APC: variants seen among roughly 807,000 people sequenced by gnomAD.
The protein encoded by APC is adenomatous polyposis coli protein.
Under a neutral mutation model 247.0 loss-of-function variants are expected in APC, and 72 were observed. The observed-to-expected ratio is 0.29, with a 90% CI of 0.24 to 0.35. The LOEUF (loss-of-function observed/expected upper bound fraction) is 0.35. Among genes scored for constraint, APC ranks in the 10% least tolerant of loss-of-function variants. The probability of loss-of-function intolerance (pLI) is 1.00; values close to 1 mark genes in which losing one functional copy is unlikely to be tolerated. For synonymous variants in APC, 1,254 were observed against 1,162.5 expected, an observed-to-expected ratio of 1.08 and a Z score of -1.60; for missense variants, 3,400 against 3,360.7, an observed-to-expected ratio of 1.01 and a Z score of -0.29.
upstream of APC, among the ~76,000 whole-genome samples, chr5:112,734,149 T>C (rs1033884414): frequency 2.0e-5 from 3 of 152,154 alleles, no homozygotes; most frequent in African/African-American, 4.8e-5. Context: ...GCTGTGCTTA[T>C]GCCACTGCAC....
rs1437497763 is a variant in APC, at chr5:112,737,924, G to A, written c.-20G>A. ...GGAGGTGCTGCCGGACTCGGAAATG[G>A]GGTAGGTGCTGGAGCCACCATGGCC... On this transcript the variant is annotated splice_region_variant and 5_prime_UTR_variant, in exon 1 of 16. Coordinates refer to ENST00000257430, the MANE Select transcript of APC (RefSeq NM_000038.6). The A allele has an allele frequency of 1.6e-5, 16 of 985,898 alleles. No homozygotes were observed. The highest frequency in any genetic ancestry group is 1.9e-5 in the Non-Finnish European group (16 of 830,312). 61.1% of individuals were successfully genotyped at this position (985,898 alleles called of 1,614,324 possible). A position where few individuals can be genotyped will look rare whatever the true frequency, so the allele number is the denominator to read the frequency against.
intron 1 of APC, among the ~76,000 whole-genome samples, chr5:112,749,614 A>G (rs571882174): frequency 2.7e-5 from 4 of 150,526 alleles, no homozygotes; most frequent in African/African-American, 9.8e-5. Flanking sequence ...CAGCCTCCGG[A>G]GGCGCTGGGA....
In APC at chr5:112,792,433, T is replaced by C. The variant is rs2149683920; in HGVS notation, c.646-13T>C. On this transcript the variant is annotated splice_polypyrimidine_tract_variant and intron_variant, in intron 6 of 15. Transcript: ENST00000257430. ...TAAAAACATAACTAATTAGGTTTCT[T>C]GTTTTATTTTAGCGAAGAATAGCCA... 6.3e-7 allele frequency: 1 copy of C among 1,591,618 alleles called. No individual in the cohort carries two copies. Among genetic ancestry groups the C allele is most frequent in the Non-Finnish European group, 8.6e-7 (1 of 1,162,546 alleles).
intron 14 of APC, among the ~76,000 whole-genome samples, chr5:112,834,308 C>T (rs1304729575): frequency 2.1e-5 from 3 of 142,884 alleles, no homozygotes; most frequent in Non-Finnish European, 4.5e-5. Context: ...GTGTTGCAGT[C>T]TCGGCTCACT....
intron 1 of APC, among the ~76,000 whole-genome samples, chr5:112,741,699 A>G (rs1173118298): frequency 6.6e-6 from 1 of 152,164 alleles, no homozygotes; most frequent in African/African-American, 2.4e-5. Context: ...TTGTTGTGCA[A>G]CCATCACCAC....
rs2149945125 is a variant in APC at position 112,841,225 on chromosome 5, A to G, written c.5631A>G (p.Glu1877=). The G allele has an allele frequency of 6.2e-7, 1 of 1,613,958 alleles. No individual in the cohort carries two copies. The change falls in exon 16 of 16, where the codon GAA becomes GAG. Residue 1877 remains glutamate, a synonymous_variant. Coordinates refer to ENST00000257430, the MANE Select transcript of APC (RefSeq NM_000038.6). This position sits in a 1 kb window ranked among gnomAD's most constrained non-coding sequence, Gnocchi z 4.6. ...ATGATGATGTTGACCTTTCCAGGGA[A>G]AAGGCTGAATTAAGAAAGGCAAAAG... is the stretch of plus-strand genomic sequence containing the variant. ...FDDDDVDLSR[E]KAELRKAKEN...
Position 112,780,836 on chromosome 5 carries a change from C to T in APC, c.578C>T (p.Ala193Val), listed in dbSNP as rs780403698. 4 of 1,613,348 alleles carry T rather than the reference C, an allele frequency of 2.5e-6. No homozygotes were observed. The highest frequency in any genetic ancestry group is 3.4e-6 in the Non-Finnish European group (4 of 1,179,552). ...ACCAGAAGGCAATTGGAATATGAAGCAAGGCAAATCAGAGTTGCGATGGAA... is the reference window on the plus strand; with the variant it reads ...ACCAGAAGGCAATTGGAATATGAAGTAAGGCAAATCAGAGTTGCGATGGAA... ...DMTRRQLEYE[A>V]RQIRVAMEEQ... The change falls in exon 6 of 16, where the codon GCA becomes GTA. Residue 193 changes from alanine (A) to valine (V), a missense_variant. This residue lies in a region of APC where 372 missense variants were observed against 367.6 expected (regional missense o/e 1.01). Transcript: ENST00000257430.
intron 4 of APC, among the ~76,000 whole-genome samples, chr5:112,773,303 A>G (rs1214962681): frequency 1.3e-5 from 2 of 152,178 alleles, no homozygotes; most frequent in Admixed American, 6.5e-5. Context: ...TTTTAAAGTA[A>G]TAGTATCAGA....
chr5:112,819,929 C>A (rs563919605), intron 10 of APC, among the ~76,000 whole-genome samples: 56 of 152,144 alleles, frequency 3.7e-4, no homozygotes, highest in African/African-American at 1.2e-3. Context: ...GGAACAGAGC[C>A]CAGATCTCCT....
intron 1 of APC, among the ~76,000 whole-genome samples, chr5:112,712,043 T>C (rs1750881565): frequency 6.6e-6 from 1 of 152,178 alleles, no homozygotes; most frequent in Admixed American, 6.5e-5. Flanking sequence ...TGTAACAATA[T>C]CTTTGTCTAG....
intron 1 of APC, among the ~76,000 whole-genome samples, chr5:112,731,289 A>G (rs1050298494): frequency 6.6e-6 from 1 of 152,146 alleles, no homozygotes; most frequent in Non-Finnish European, 1.5e-5. Context: ...ATTTTCTGCT[A>G]CTATAACAAA....
intron 1 of APC, among the ~76,000 whole-genome samples, chr5:112,738,715 C>G (rs776906239): frequency 6.6e-6 from 1 of 152,076 alleles, no homozygotes; most frequent in Non-Finnish European, 1.5e-5. Context: ...GGGTAGAAGC[C>G]CATTTACAAG....
At chr5:112,788,982 G>T (rs1278400580) in intron 6 of APC, among the ~76,000 whole-genome samples, 2 of 151,862 alleles carry the variant, frequency 1.3e-5, no homozygotes, top group South Asian at 2.1e-4. Flanking sequence ...TCTTTTTCTT[G>T]TCTTGACTTT....
In APC at chr5:112,838,085, T is replaced by C. The variant is rs2149870828; in HGVS notation, c.2491T>C (p.Leu831=). The change falls in exon 16 of 16, where the codon TTA becomes CTA. Residue 831 remains leucine, a synonymous_variant. Transcript: ENST00000257430. The stretch of plus-strand genomic sequence containing the variant: ...TTCACCATATTTGAATACTACAGTG[T>C]TACCCAGCTCCTCTTCATCAAGAGG... ...VLSPYLNTTV[L]PSSSSSRGSL... 6.2e-7 allele frequency: 1 copy of C among 1,614,178 alleles called. No individual in the cohort carries two copies. Among genetic ancestry groups the C allele is most frequent in the African/African-American group, 1.3e-5 (1 of 75,050 alleles).
intron 7 of APC, among the ~76,000 whole-genome samples, chr5:112,793,323 T>C (rs1759850275): frequency 6.6e-6 from 1 of 152,136 alleles, no homozygotes; most frequent in African/African-American, 2.4e-5. Context: ...AAAATTTACC[T>C]ACTGAATGCT....
chr5:112,736,966 A>G (rs1400318609), upstream of APC, among the ~76,000 whole-genome samples: 1 of 152,216 alleles, frequency 6.6e-6, no homozygotes, highest in African/African-American at 2.4e-5. Flanking sequence ...TTAAATAGAT[A>G]ATAGAAACTG....
chr5:112,742,713 A>C (rs1753187337), intron 1 of APC, among the ~76,000 whole-genome samples: 1 of 152,186 alleles, frequency 6.6e-6, no homozygotes, highest in African/African-American at 2.4e-5. Context: ...TATGACCTAG[A>C]CTCAGAAGCC....
intron 1 of APC, among the ~76,000 whole-genome samples, chr5:112,754,642 C>G (rs1257466251): frequency 6.6e-6 from 1 of 152,154 alleles, no homozygotes; most frequent in African/African-American, 2.4e-5. Context: ...TCAGACACAA[C>G]TAAAGTTCTC....
intron 3 of APC, among the ~76,000 whole-genome samples, 171 bp downstream of exon 3, chr5:112,766,581 A>G (rs1013278598): frequency 1.3e-5 from 2 of 152,128 alleles, no homozygotes; most frequent in Non-Finnish European, 2.9e-5. Flanking sequence ...TAAAAAATGT[A>G]TTTGTGTGTC....
Sources: allele counts gnomAD v4.1 joint callset (sites outside exome capture counted in the v4.1 genomes callset), GRCh38; gene constraint gnomAD v4.1.1; regional missense constraint gnomAD v4.1.1; non-coding constraint Gnocchi (gnomAD v3.1); transcripts MANE v1.5; gene names NCBI Gene and HGNC (gene_info 2026-07-23, HGNC 2026-07-21).